Variants in PLAA observed in about 807,000 individuals in gnomAD.
PLAA encodes the protein phospholipase A-2-activating protein.
In PLAA, 48 loss-of-function variants were observed where a neutral mutation model predicts 84.1. The ratio of observed to expected loss-of-function variants is 0.57; its 90% confidence interval spans 0.45 to 0.73. The LOEUF is 0.73. Among genes scored for constraint, PLAA ranks in the 30% least tolerant of loss-of-function variants. The probability of loss-of-function intolerance (pLI) is 0.00; values close to 1 mark genes in which losing one functional copy is unlikely to be tolerated. For missense variants in PLAA, 903 were observed against 954.7 expected, an observed-to-expected ratio of 0.95 and a Z score of 0.71; for synonymous variants, 392 against 336.6, an observed-to-expected ratio of 1.16 and a Z score of -1.80.
At chr9:26,940,371 T>C (rs1055285238) in intron 1 of PLAA, among the ~76,000 whole-genome samples, 3 of 152,232 alleles carry the variant, frequency 2.0e-5, no homozygotes, top group Admixed American at 6.5e-5. Context: ...CTTGAGGACA[T>C]TGTGCTAAAC....
At chr9:26,915,574 C>T in intron 10 of PLAA, 6 of 467,288 alleles carry the variant, frequency 1.3e-5, no homozygotes, top group Non-Finnish European at 1.7e-5. Context: ...ATACTCCAGG[C>T]ATTTTGCTTA....
rs1824151148 is a variant in PLAA, at chr9:26,903,794, G to A, written c.*1717C>T. 6.6e-6 allele frequency among the ~76,000 whole-genome samples: 1 copy of A among 152,300 alleles called. No individual in the cohort carries two copies. Among genetic ancestry groups the A allele is most frequent in the African/African-American group, 2.4e-5 (1 of 41,570 alleles). On this transcript the variant is annotated 3_prime_UTR_variant, in exon 14 of 14. Coordinates refer to ENST00000397292, the MANE Select transcript of PLAA (RefSeq NM_001031689.3). ...AAAAAAACTTGCACAGTAATAGGAA[G>A]CAGTGTTTACATTTTGCCACCCCTT...
intron 2 of PLAA, among the ~76,000 whole-genome samples, chr9:26,930,107 T>A (rs993866174): frequency 1.3e-4 from 18 of 140,702 alleles, no homozygotes; most frequent in Admixed American, 6.3e-4. Context: ...ATTATTATTA[T>A]TTTTTTTTTT....
Position 26,946,985 on chromosome 9 carries a change from C to G in PLAA, c.61G>C (p.Val21Leu). The G allele has an allele frequency of 6.3e-7, 1 of 1,594,090 alleles. No homozygotes were observed. The highest frequency in any genetic ancestry group is 8.5e-7 in the Non-Finnish European group (1 of 1,171,018). The part of the protein sequence containing the change: ...SCSLRGHELD[V>L]RGLVCCAYPP... ...TAGGCGCAGCACACCAGGCCCCGTA[C>G]GTCCAGCTCGTGGCCCCGGAGCGAG... is the stretch of plus-strand genomic sequence containing the variant. The change falls in exon 1 of 14, where the codon GTA becomes CTA. Residue 21 changes from valine to leucine, a missense_variant. By Grantham distance (32) the Val-to-Leu change is conservative. Transcript: ENST00000397292.
intron 2 of PLAA, among the ~76,000 whole-genome samples, chr9:26,931,157 G>GAAAA (rs200805235): frequency 1.6e-5 from 2 of 126,936 alleles, no homozygotes; most frequent in African/African-American, 2.8e-5. Flanking sequence ...TTTGAGAACT[G>GAAAA]AAAAAAAAAA....
Position 26,947,090 on chromosome 9 carries a change from C to A in PLAA, c.-45G>T, listed in dbSNP as rs563374795. The A allele has an allele frequency of 6.8e-7, 1 of 1,477,154 alleles. No homozygotes were observed. Among genetic ancestry groups the A allele is most frequent in the Non-Finnish European group, 9.0e-7 (1 of 1,111,988 alleles). The allele number at this position is 1,477,154 out of a possible 1,614,324, so 91.5% of individuals were successfully genotyped here. On this transcript the variant is annotated 5_prime_UTR_variant, in exon 1 of 14. Transcript: ENST00000397292. ...CCCGGTGCCCAGGCACTGTGCGAGA[C>A]CAGTCCGCAGGGGCGACTCGGAGAG...
chr9:26,918,293 T>C (rs942422841), intron 9 of PLAA, among the ~76,000 whole-genome samples: 3 of 148,738 alleles, frequency 2.0e-5, no homozygotes, highest in South Asian at 2.1e-4. Context: ...TTTGTATTTT[T>C]TTTTTTTTTT....
chr9:26,932,808 C>T (rs1277960564), intron 2 of PLAA, among the ~76,000 whole-genome samples: 4 of 152,142 alleles, frequency 2.6e-5, no homozygotes, highest in Admixed American at 2.0e-4. Context: ...CTCACACAAA[C>T]ACACATACAG....
At chr9:26,934,201 C>T (rs1007464769) in intron 2 of PLAA, among the ~76,000 whole-genome samples, 2 of 152,044 alleles carry the variant, frequency 1.3e-5, no homozygotes, top group Non-Finnish European at 1.5e-5. Flanking sequence ...CTTACTGCAC[C>T]GATTAAGCAT....
chr9:26,908,367 C>G lies in PLAA; in HGVS notation c.1658-369G>C, dbSNP rs559855672. Among the ~76,000 whole-genome samples the G allele has an allele frequency of 5.3e-5, 8 of 151,768 alleles. No individual in the cohort carries two copies. In the South Asian group the frequency reaches 1.3e-3, roughly 24 times the overall value. On this transcript the variant is annotated intron_variant, in intron 12 of 13. Coordinates refer to ENST00000397292, the MANE Select transcript of PLAA (RefSeq NM_001031689.3). ...GTTTTTAGTAGAGACGGGGTTTCAC[C>G]ACATTAGCCAGGATGGTCTCAATCT...
At position 26,935,289 on chromosome 9, in the gene PLAA, T is replaced by C. The variant is rs913125141; in HGVS notation, c.150-83A>G. On this transcript the variant is annotated intron_variant, in intron 1 of 13. Coordinates refer to ENST00000397292, the MANE Select transcript of PLAA (RefSeq NM_001031689.3). ...TAAACTGTCAAAGCACTCATTTTCA[T>C]TTAGTGTCTAGACAAACTTTAGAGT... 2.1e-4 allele frequency: 173 copies of C among 840,236 alleles called. 1 individual carries two copies. The highest frequency in any genetic ancestry group is 5.9e-5 in the Admixed American group (2 of 33,742). The allele number at this position is 840,236 out of a possible 1,614,324, so 52.0% of individuals were successfully genotyped here. A position where few individuals can be genotyped will look rare whatever the true frequency, so the allele number is the denominator to read the frequency against.
intron 4 of PLAA, among the ~76,000 whole-genome samples, chr9:26,927,369 C>T (rs1252812332): frequency 6.6e-6 from 1 of 152,022 alleles, no homozygotes; most frequent in Admixed American, 6.6e-5. Flanking sequence ...GTGATCCACC[C>T]ACCTCAGCCT....
rs1037416275 is a variant in PLAA at position 26,907,733 on chromosome 9, G to A, written c.1822+101C>T. 7.7e-5 allele frequency: 78 copies of A among 1,007,036 alleles called. 1 individual carries two copies. In the Admixed American group the frequency reaches 1.7e-3, roughly 21 times the overall value. The allele number at this position is 1,007,036 out of a possible 1,614,324, so 62.4% of individuals were successfully genotyped here. A position where few individuals can be genotyped will look rare whatever the true frequency, so the allele number is the denominator to read the frequency against. On this transcript the variant is annotated intron_variant, in intron 13 of 13. Transcript: ENST00000397292. ...TTTTCCATAGTGATTTAGAACTACC[G>A]AAGTTAACTTTCATTTAATCCACAA...
In PLAA at chr9:26,906,076, T is replaced by C; in HGVS notation, c.1823A>G (p.Asp608Gly). The change falls in exon 14 of 14, where the codon GAT (aspartate) becomes GGT (glycine). Residue 608 changes from aspartate to glycine, a missense_variant and splice_region_variant. Physicochemically the swap from Asp to Gly is moderately conservative, Grantham distance 94. Coordinates refer to ENST00000397292, the MANE Select transcript of PLAA (RefSeq NM_001031689.3). ...ILWKAINCPE[D>G]IVFPALDILR... ...AATGTCAAGTGCAGGAAAGACAATA[T>C]CTATTAAAAAAAAAAAGTCATTAAT... is the stretch of plus-strand genomic sequence containing the variant. 6.8e-7 allele frequency: 1 copy of C among 1,473,596 alleles called. No homozygotes were observed. The allele number at this position is 1,473,596 out of a possible 1,614,324, so 91.3% of individuals were successfully genotyped here.
chr9:26,937,498 G>A (rs1274755391), intron 1 of PLAA, among the ~76,000 whole-genome samples: 8 of 152,124 alleles, frequency 5.3e-5, no homozygotes, highest in East Asian at 1.9e-4. Flanking sequence ...AAAATCACAC[G>A]CATACAAATA....
chr9:26,923,045 G>A, intron 7 of PLAA, 133 bp downstream of exon 7: 1 of 627,714 alleles, frequency 1.6e-6, no homozygotes, highest in Non-Finnish European at 2.8e-6. Flanking sequence ...GTGATTATAT[G>A]TAATAGTAAA....
At chr9:26,916,037 T>C (rs997379805) in intron 10 of PLAA, 1 of 985,416 alleles carries the variant, frequency 1.0e-6, no homozygotes, top group South Asian at 4.7e-5. Context: ...TTTAGTGTGA[T>C]AGTTAATTAT....
rs1233293536 is a variant in PLAA, at chr9:26,935,169, C to T, written c.187G>A (p.Gly63Ser). 4 of 1,595,094 alleles carry T rather than the reference C, an allele frequency of 2.5e-6. No individual in the cohort carries two copies. The highest frequency in any genetic ancestry group is 3.4e-6 in the Non-Finnish European group (4 of 1,174,234). The change falls in exon 2 of 14, where the codon GGC (glycine) becomes AGC (serine). Residue 63 changes from glycine to serine, a missense_variant. By Grantham distance (56) the Gly-to-Ser change is moderately conservative. Coordinates refer to ENST00000397292, the MANE Select transcript of PLAA (RefSeq NM_001031689.3). ...ACACAAGATACAAAATTGGAATGGCCACTCATACAGTGCATTTCTGTAAAG... is the reference window on the plus strand; with the variant it reads ...ACACAAGATACAAAATTGGAATGGCTACTCATACAGTGCATTTCTGTAAAG... ...RSFTEMHCMS[G>S]HSNFVSCVCI...
In PLAA at chr9:26,925,066, CTT is replaced by C. The variant is rs569627134; in HGVS notation, c.869+757_869+758del. Among the ~76,000 whole-genome samples, 6 of 152,280 alleles carry C rather than the reference CTT, an allele frequency of 3.9e-5. No homozygotes were observed. The East Asian group carries it at 1.2e-3, about 29-fold the overall frequency. On this transcript the variant is annotated intron_variant, in intron 6 of 13. Transcript: ENST00000397292. Reference sequence around the variant, plus strand: ...TGAAGCTTTATCCTTTTCTTTCATACTTTTTCTGATTGTTTTCCTTCTGGATT... The same window carrying C: ...TGAAGCTTTATCCTTTTCTTTCATACTTTCTGATTGTTTTCCTTCTGGATT...
Sources: allele counts gnomAD v4.1 joint callset (sites outside exome capture counted in the v4.1 genomes callset), GRCh38; gene constraint gnomAD v4.1.1; transcripts MANE v1.5; gene names NCBI Gene and HGNC (gene_info 2026-07-23, HGNC 2026-07-21).